SREBF2: variants seen among roughly 807,000 people sequenced by gnomAD.
SREBF2 encodes sterol regulatory element-binding protein 2.
In SREBF2, 55 loss-of-function variants were observed where a neutral mutation model predicts 113.1. The ratio of observed to expected loss-of-function variants is 0.49; its 90% confidence interval spans 0.39 to 0.61. The LOEUF is 0.61. Among genes scored for constraint, SREBF2 ranks in the 20% least tolerant of loss-of-function variants. SREBF2 has a pLI of 0.00. For synonymous variants in SREBF2, 593 were observed against 605.7 expected, an observed-to-expected ratio of 0.98 and a Z score of 0.31; for missense variants, 1,349 against 1,487.4, an observed-to-expected ratio of 0.91 and a Z score of 1.53.
chr22:41,894,724 C>A, intron 12 of SREBF2, 96 bp from the exon 13 acceptor site: 2 of 1,053,244 alleles, frequency 1.9e-6, no homozygotes, highest in Non-Finnish European at 3.0e-6. Flanking sequence ...GATCCCCATT[C>A]ACAAGGCATG....
At chr22:41,845,816 C>T (rs1475133477) in intron 1 of SREBF2, among the ~76,000 whole-genome samples, 1 of 152,192 alleles carries the variant, frequency 6.6e-6, no homozygotes, top group African/African-American at 2.4e-5. Context: ...TGTCAGAGTA[C>T]TGCATAGGAC....
At chr22:41,888,213 C>T (rs993724086) in intron 11 of SREBF2, among the ~76,000 whole-genome samples, 9 of 152,326 alleles carry the variant, frequency 5.9e-5, no homozygotes, top group Middle Eastern at 3.4e-3. Flanking sequence ...CTTTGTCCTA[C>T]CTCAAAGTCA....
intron 8 of SREBF2, 74 bp downstream of exon 8, chr22:41,877,495 T>A: frequency 6.5e-7 from 1 of 1,547,184 alleles, no homozygotes; most frequent in East Asian, 2.3e-5. Flanking sequence ...GTGTACAAAC[T>A]TCTTGGCTTG....
At position 41,902,989 on chromosome 22, in the gene SREBF2, G is replaced by A. The variant is rs778505358; in HGVS notation, c.2927G>A (p.Cys976Tyr). 12 of 1,611,168 alleles carry A rather than the reference G, an allele frequency of 7.4e-6. No homozygotes were observed. In the South Asian group the frequency reaches 1.1e-4, roughly 15 times the overall value. Residue 976 changes from cysteine to tyrosine, a missense_variant, in exon 17 of 19, where the codon TGT becomes TAT. Physicochemically the swap from Cys to Tyr is radical, Grantham distance 194. This residue lies in a region of SREBF2 where 650 missense variants were observed against 644.1 expected (regional missense o/e 1.01). Transcript: ENST00000361204. ...ALNHVVQLLT[C>Y]DLLLSLRTAL... ...CCACAGGTGGTCCAGCTGCTCACCT[G>A]TGACCTGCTACTGTCGCTACGGACA... is the stretch of plus-strand genomic sequence containing the variant.
intron 1 of SREBF2, among the ~76,000 whole-genome samples, chr22:41,860,326 G>A (rs2077016002): frequency 6.6e-6 from 1 of 151,436 alleles, no homozygotes; most frequent in Non-Finnish European, 1.5e-5. Context: ...AAATGCAAAT[G>A]CTCAATAAAA....
At position 41,877,436 on chromosome 22, in the gene SREBF2, C is replaced by A; in HGVS notation, c.1579+15C>A. 6.2e-7 allele frequency: 1 copy of A among 1,613,612 alleles called. No individual in the cohort carries two copies. Among genetic ancestry groups the A allele is most frequent in the South Asian group, 1.1e-5 (1 of 91,006 alleles). On this transcript the variant is annotated intron_variant, in intron 8 of 18. Transcript: ENST00000361204. ...ATTCGAGTCAGGTAGGTGGAGGCCC[C>A]TTGCCCCACCTGGGCATGGCTGGAC... is the stretch of plus-strand genomic sequence containing the variant.
At chr22:41,888,110 G>A (rs1292062979) in intron 11 of SREBF2, among the ~76,000 whole-genome samples, 1 of 152,194 alleles carries the variant, frequency 6.6e-6, no homozygotes, top group African/African-American at 2.4e-5. Flanking sequence ...TCTTAATGGT[G>A]TCTAGTGAGA....
chr22:41,852,365 G>C (rs2076940132), intron 1 of SREBF2, among the ~76,000 whole-genome samples: 1 of 151,096 alleles, frequency 6.6e-6, no homozygotes, highest in Non-Finnish European at 1.5e-5. Flanking sequence ...AGATAGCACA[G>C]TGATTACATT....
chr22:41,878,976 A>C (rs1346690659), intron 9 of SREBF2, among the ~76,000 whole-genome samples: 9 of 152,298 alleles, frequency 5.9e-5, no homozygotes, highest in Admixed American at 2.0e-4. Context: ...GGTGGCTGTG[A>C]AGGATAGGTA....
chr22:41,902,894 C>T (rs772509866), intron 16 of SREBF2, 76 bp from the exon 17 acceptor site: 1 of 1,482,580 alleles, frequency 6.7e-7, no homozygotes, highest in Admixed American at 1.9e-5. Flanking sequence ...TGGGGAGAGG[C>T]CTGGTAGGTG....
intron 1 of SREBF2, among the ~76,000 whole-genome samples, chr22:41,864,963 GAGAC>G (rs976538711): frequency 1.3e-5 from 2 of 152,006 alleles, no homozygotes; most frequent in African/African-American, 2.4e-5. Context: ...AAAAAAAAGA[GAGAC>G]AGAGTCTCGC....
At position 41,864,255 on chromosome 22, in the gene SREBF2, TATATATAC is replaced by T. The variant is rs1205802712; in HGVS notation, c.89-2574_89-2567del. ...ATATATATATATATATATATATATA[TATATATAC>T]ACACACACACACACACACACAAAAT... is the stretch of plus-strand genomic sequence containing the variant. On this transcript the variant is annotated intron_variant, in intron 1 of 18. Transcript: ENST00000361204. Among the ~76,000 whole-genome samples the T allele has an allele frequency of 6.7e-3, 508 of 75,660 alleles. 10 individuals carry two copies. Among genetic ancestry groups the T allele is most frequent in the South Asian group, 0.062 (138 of 2,208 alleles). The allele number at this position is 75,660 out of a possible 152,430, so 49.6% of individuals were successfully genotyped here.
chr22:41,897,005 T>C (rs778148975), intron 13 of SREBF2, 47 bp from the exon 14 acceptor site: 11 of 1,374,178 alleles, frequency 8.0e-6, no homozygotes. Flanking sequence ...GAGGTGGGCC[T>C]TGTGTATATG....
At chr22:41,887,749 C>T (rs1486555187) in intron 11 of SREBF2, among the ~76,000 whole-genome samples, 1 of 152,122 alleles carries the variant, frequency 6.6e-6, no homozygotes, top group African/African-American at 2.4e-5. Context: ...AGAGGTTGTG[C>T]GTATTTCCAA....
chr22:41,880,052 T>G (rs1021542423), intron 9 of SREBF2, among the ~76,000 whole-genome samples: 4 of 152,052 alleles, frequency 2.6e-5, no homozygotes, highest in Admixed American at 6.6e-5. Context: ...AAAGAAACGC[T>G]TTAGCAGACA....
At chr22:41,863,713 A>G (rs917629847) in intron 1 of SREBF2, among the ~76,000 whole-genome samples, 1 of 152,148 alleles carries the variant, frequency 6.6e-6, no homozygotes, top group Non-Finnish European at 1.5e-5. Flanking sequence ...AAATAATACC[A>G]CTATGTAGGA....
intron 15 of SREBF2, chr22:41,898,985 GCACAA>G: frequency 1.3e-6 from 1 of 755,988 alleles, no homozygotes; most frequent in South Asian, 1.6e-5. Context: ...GTCCTGCTCT[GCACAA>G]CACGACAGTT....
chr22:41,905,644 C>T lies in SREBF2; in HGVS notation c.3410C>T (p.Ala1137Val), dbSNP rs1027149180. 2.5e-6 allele frequency: 4 copies of T among 1,585,902 alleles called. No homozygotes were observed. The highest frequency in any genetic ancestry group is 3.4e-6 in the Non-Finnish European group (4 of 1,166,944). Residue 1137 changes from alanine to valine, a missense_variant, in exon 19 of 19, where the codon GCC becomes GTC. Physicochemically the swap from Ala to Val is moderately conservative, Grantham distance 64 (BLOSUM62 0). This residue lies in a region of SREBF2 where 650 missense variants were observed against 644.1 expected (regional missense o/e 1.01). Transcript: ENST00000361204. Reference protein sequence around the residue: ...QMIVKLGGGTAIAAS With the variant: ...QMIVKLGGGTVIAAS ...ATTGTTAAGCTGGGTGGTGGCACTG[C>T]CATTGCCGCCTCCTGACCACCAGGC... is the stretch of plus-strand genomic sequence containing the variant.
At chr22:41,894,688 T>TG in intron 12 of SREBF2, 132 bp from the exon 13 acceptor site, 1 of 817,782 alleles carries the variant, frequency 1.2e-6, no homozygotes, top group Non-Finnish European at 2.2e-6. Context: ...ACAGTAGTTC[T>TG]GGGCTTTGGT....
Sources: allele counts gnomAD v4.1 joint callset (sites outside exome capture counted in the v4.1 genomes callset), GRCh38; gene constraint gnomAD v4.1.1; regional missense constraint gnomAD v4.1.1; transcripts MANE v1.5; gene names NCBI Gene and HGNC (gene_info 2026-07-23, HGNC 2026-07-21).